TBX18: variants seen among roughly 807,000 people sequenced by gnomAD.
TBX18 encodes the protein T-box transcription factor TBX18.
TBX18 carries 21 observed loss-of-function variants against 55.0 expected under a neutral mutation model. The observed-to-expected ratio is 0.38, with a 90% CI of 0.27 to 0.55. The LOEUF (loss-of-function observed/expected upper bound fraction) is 0.55, where lower values mean the gene tolerates loss of function less well. Ranked by LOEUF, TBX18 falls within the 20% of genes least tolerant of loss-of-function variation. The pLI is 0.73. For missense variants in TBX18, 840 were observed against 799.6 expected, an observed-to-expected ratio of 1.05 and a Z score of -0.61; for synonymous variants, 342 against 326.1, an observed-to-expected ratio of 1.05 and a Z score of -0.53.
chr6:84,746,358 T>A (rs1004550790), intron 5 of TBX18, among the ~76,000 whole-genome samples: 1 of 148,576 alleles, frequency 6.7e-6, no homozygotes, highest in Non-Finnish European at 1.5e-5. Flanking sequence ...CTGTCCCTAA[T>A]ATATTTTAAT....
chr6:84,754,740 G>A (rs935510620), intron 4 of TBX18, among the ~76,000 whole-genome samples: 3 of 152,202 alleles, frequency 2.0e-5, no homozygotes, highest in African/African-American at 7.2e-5. Context: ...TTTATTAGAT[G>A]AGATCAACAT....
At chr6:84,747,822 C>A in intron 5 of TBX18, 98 bp downstream of exon 5, 1 of 1,161,514 alleles carries the variant, frequency 8.6e-7, no homozygotes, top group South Asian at 1.7e-5. Flanking sequence ...ATGGCAAATG[C>A]TTTATAATTC....
chr6:84,760,415 A>G (rs1430633013), intron 2 of TBX18, 59 bp from the exon 3 acceptor site: 2 of 1,119,714 alleles, frequency 1.8e-6, no homozygotes, highest in Non-Finnish European at 2.6e-6. Flanking sequence ...CTAAGGATGG[A>G]GCGTGAATAA....
chr6:84,744,205 A>G, intron 6 of TBX18, 56 bp downstream of exon 6: 1 of 1,433,856 alleles, frequency 7.0e-7, no homozygotes, highest in Non-Finnish European at 9.5e-7. Flanking sequence ...TAGAAAATTC[A>G]TAATAAAATA....
At chr6:84,742,082 A>G (rs1767061705) in intron 6 of TBX18, 1 of 152,212 alleles carries the variant, frequency 6.6e-6, no homozygotes, top group Non-Finnish European at 1.5e-5. Context: ...CAGCAAGGAA[A>G]AAAGTTGAAA....
In TBX18 at chr6:84,736,929, C is replaced by G; in HGVS notation, c.1580G>C (p.Cys527Ser). ...SYNTFRLHSP[C>S]ALYGYNFSTS... ...GGAGAAGTTATATCCATATAGTGCACAGGGGCTGTGTAATCTAAAAGTATT... is the reference window on the plus strand; with the variant it reads ...GGAGAAGTTATATCCATATAGTGCAGAGGGGCTGTGTAATCTAAAAGTATT... Residue 527 changes from cysteine to serine, a missense_variant, in exon 8 of 8, where the codon TGT (cysteine) becomes TCT (serine). Cys to Ser is a moderately radical substitution (Grantham distance 112). Transcript: ENST00000369663. 1 of 1,611,204 alleles carries G rather than the reference C, an allele frequency of 6.2e-7. No homozygotes were observed. The highest frequency in any genetic ancestry group is 8.5e-7 in the Non-Finnish European group (1 of 1,178,254).
At position 84,733,872 on chromosome 6, in the gene TBX18, TTA is replaced by T. The variant is rs879896995; in HGVS notation, c.*2811_*2812del. 2.6e-5 allele frequency: 4 copies of T among 152,132 alleles called. No homozygotes were observed. Among genetic ancestry groups the T allele is most frequent in the South Asian group, 4.1e-4 (2 of 4,830 alleles). The allele number at this position is 152,132 out of a possible 1,614,324, so 9.4% of individuals were successfully genotyped here. On this transcript the variant is annotated 3_prime_UTR_variant, in exon 8 of 8. Coordinates refer to ENST00000369663, the MANE Select transcript of TBX18 (RefSeq NM_001080508.3). ...TGTAAAGAGTGAGTATGATCCTTCC[TTA>T]TATAGGTTACACTGTGCCCCAACCT...
chr6:84,749,606 C>T (rs1421097611), intron 4 of TBX18, among the ~76,000 whole-genome samples: 4 of 151,282 alleles, frequency 2.6e-5, no homozygotes, highest in Admixed American at 2.0e-4. Context: ...GAAAGGACAA[C>T]AGGGGAAAAC....
Position 84,732,643 on chromosome 6 carries a change from CT to C in TBX18, c.*4041del, listed in dbSNP as rs1309667392. 3 of 152,074 alleles carry C rather than the reference CT, an allele frequency of 2.0e-5. No individual in the cohort carries two copies. Among genetic ancestry groups the C allele is most frequent in the Non-Finnish European group, 4.4e-5 (3 of 67,986 alleles). 9.4% of individuals were successfully genotyped at this position (152,074 alleles called of 1,614,324 possible). A position where few individuals can be genotyped will look rare whatever the true frequency, so the allele number is the denominator to read the frequency against. On this transcript the variant is annotated 3_prime_UTR_variant, in exon 8 of 8. Transcript: ENST00000369663. Reference sequence around the variant, plus strand: ...AAAGAAATTTTATTAATGTCTTTTACTATTCACTATAAAGTAGCAAATACGT... The same window carrying C: ...AAAGAAATTTTATTAATGTCTTTTACATTCACTATAAAGTAGCAAATACGT...
At position 84,736,656 on chromosome 6, in the gene TBX18, T is replaced by G; in HGVS notation, c.*29A>C. 6.7e-7 allele frequency: 1 copy of G among 1,501,316 alleles called. No individual in the cohort carries two copies. Among genetic ancestry groups the G allele is most frequent in the South Asian group, 1.4e-5 (1 of 71,446 alleles). 93.0% of individuals were successfully genotyped at this position (1,501,316 alleles called of 1,614,324 possible). On this transcript the variant is annotated 3_prime_UTR_variant, in exon 8 of 8. Transcript: ENST00000369663. ...AGAAAAAGAAAATATGTTAGACAGA[T>G]CCAAATGTCATTTAACTTAAAGGCT... is the stretch of plus-strand genomic sequence containing the variant.
At chr6:84,741,396 C>T (rs371709047) in intron 6 of TBX18, 1 of 152,188 alleles carries the variant, frequency 6.6e-6, no homozygotes. Context: ...TTGTACCTTC[C>T]TGAGTAAAAA....
intron 5 of TBX18, 86 bp downstream of exon 5, chr6:84,747,834 T>C (rs947112281): frequency 8.0e-7 from 1 of 1,254,760 alleles, no homozygotes; most frequent in African/African-American, 1.5e-5. Context: ...TTATAATTCA[T>C]AATATTTAGA....
chr6:84,754,253 C>T (rs1367636563), intron 4 of TBX18, among the ~76,000 whole-genome samples: 1 of 152,160 alleles, frequency 6.6e-6, no homozygotes, highest in Non-Finnish European at 1.5e-5. Context: ...AGCTTTGCAT[C>T]TTTTACCATA....
intron 6 of TBX18, chr6:84,742,519 C>A (rs1767071757): frequency 6.6e-6 from 1 of 152,102 alleles, no homozygotes; most frequent in African/African-American, 2.4e-5. Context: ...TCTGTCATCT[C>A]ACTTCTTGTA....
In TBX18 at chr6:84,735,726, A is replaced by G. The variant is rs1773920687; in HGVS notation, c.*959T>C. ...GAGCAAGATGGAAAAAATATTCTAA[A>G]TTTAAAAACAAACTATACAAAAACA... On this transcript the variant is annotated 3_prime_UTR_variant, in exon 8 of 8. Coordinates refer to ENST00000369663, the MANE Select transcript of TBX18 (RefSeq NM_001080508.3). The G allele has an allele frequency of 1.3e-5, 2 of 152,190 alleles. No homozygotes were observed. Among genetic ancestry groups the G allele is most frequent in the Non-Finnish European group, 2.9e-5 (2 of 68,030 alleles). The allele number at this position is 152,190 out of a possible 1,614,324, so 9.4% of individuals were successfully genotyped here.
At chr6:84,751,558 T>C (rs1432491405) in intron 4 of TBX18, among the ~76,000 whole-genome samples, 3 of 152,250 alleles carry the variant, frequency 2.0e-5, no homozygotes, top group Non-Finnish European at 4.4e-5. Context: ...GATAGCATTA[T>C]GTGCTTTTTA....
rs970594009 is a variant in TBX18 at position 84,764,218 on chromosome 6, T to C, written c.-37A>G. 1.4e-5 allele frequency: 18 copies of C among 1,269,000 alleles called. No homozygotes were observed. In the Admixed American group the frequency reaches 2.5e-4, roughly 17 times the overall value. 78.6% of individuals were successfully genotyped at this position (1,269,000 alleles called of 1,614,324 possible). A position where few individuals can be genotyped will look rare whatever the true frequency, so the allele number is the denominator to read the frequency against. On this transcript the variant is annotated 5_prime_UTR_variant, in exon 1 of 8. Transcript: ENST00000369663. The stretch of plus-strand genomic sequence containing the variant: ...CGCGCCCGCCCGCCCCTCTCTCATA[T>C]ACACTCACGCGGGCACACGCGCGCT...
At chr6:84,752,715 C>T (rs1274097607) in intron 4 of TBX18, among the ~76,000 whole-genome samples, 1 of 152,164 alleles carries the variant, frequency 6.6e-6, no homozygotes, top group Non-Finnish European at 1.5e-5. Context: ...GCAACCTCCC[C>T]TATAACTTGC....
intron 5 of TBX18, among the ~76,000 whole-genome samples, chr6:84,746,623 A>G (rs1767200390): frequency 6.8e-6 from 1 of 147,084 alleles, no homozygotes; most frequent in African/African-American, 2.5e-5. Flanking sequence ...TATATTAAAT[A>G]TATTAAAATT....
Sources: allele counts gnomAD v4.1 joint callset (sites outside exome capture counted in the v4.1 genomes callset), GRCh38; gene constraint gnomAD v4.1.1; transcripts MANE v1.5; gene names NCBI Gene and HGNC (gene_info 2026-07-23, HGNC 2026-07-21).